Variants in SLC24A2 observed in about 807,000 individuals in gnomAD.
SLC24A2 encodes sodium/potassium/calcium exchanger 2.
SLC24A2 carries 36 observed loss-of-function variants against 62.0 expected under a neutral mutation model. The ratio of observed to expected loss-of-function variants is 0.58; its 90% CI spans 0.44 to 0.77. The LOEUF (loss-of-function observed/expected upper bound fraction) is 0.77. Ranked by LOEUF, SLC24A2 falls within the 30% of genes least tolerant of loss-of-function variation. SLC24A2 has a pLI of 0.00. For synonymous variants in SLC24A2, 358 were observed against 294.0 expected (o/e 1.22, Z -2.23); for missense variants, 846 against 817.9 (o/e 1.03, Z -0.42).
the SLC24A2 span, among the ~76,000 whole-genome samples, chr9:20,106,270 C>A: frequency 6.3e-3 from 960 of 152,218 alleles, 13 homozygotes; most frequent in African/African-American, 0.022. Context: ...ACCAGAGGTA[C>A]AAGGAGGAGC....
the SLC24A2 span, among the ~76,000 whole-genome samples, chr9:20,190,019 C>T: frequency 6.6e-6 from 1 of 152,126 alleles, no homozygotes; most frequent in Non-Finnish European, 1.5e-5. Context: ...CAGCTTAATT[C>T]CCGGCACCCC....
chr9:20,095,470 C>G, the SLC24A2 span, among the ~76,000 whole-genome samples: 2 of 152,258 alleles, frequency 1.3e-5, no homozygotes, highest in African/African-American at 4.8e-5. Context: ...GTGGATGGGC[C>G]TCATCCTATC....
the SLC24A2 span, chr9:19,928,948 C>G: frequency 6.6e-6 from 1 of 152,202 alleles, no homozygotes; most frequent in African/African-American, 2.4e-5. Flanking sequence ...CTGCAAGTCT[C>G]CCTCTGACCA....
the SLC24A2 span, among the ~76,000 whole-genome samples, chr9:20,250,642 C>T: frequency 6.6e-6 from 1 of 150,812 alleles, no homozygotes; most frequent in African/African-American, 2.4e-5. Context: ...AACACAAGAG[C>T]CTATGTCATG....
the SLC24A2 span, among the ~76,000 whole-genome samples, chr9:19,886,371 G>C: frequency 2.0e-5 from 3 of 149,818 alleles, no homozygotes; most frequent in Non-Finnish European, 4.4e-5. Flanking sequence ...TAGGCTTATT[G>C]GCTGTGGGTA....
intron 8 of SLC24A2, among the ~76,000 whole-genome samples, chr9:19,549,161 T>C (rs1834722271): frequency 1.3e-5 from 2 of 152,216 alleles, no homozygotes; most frequent in Non-Finnish European, 2.9e-5. Flanking sequence ...AAAGTAATGA[T>C]AGTAAACATA....
At chr9:19,625,978 C>T (rs898571894) in intron 2 of SLC24A2, among the ~76,000 whole-genome samples, 7 of 152,048 alleles carry the variant, frequency 4.6e-5, no homozygotes, top group Non-Finnish European at 1.0e-4. Context: ...TGAGCCACCG[C>T]GCCCTGCTGG....
At chr9:19,947,568 A>T in the SLC24A2 span, among the ~76,000 whole-genome samples, 1 of 152,048 alleles carries the variant, frequency 6.6e-6, no homozygotes, top group Non-Finnish European at 1.5e-5. Context: ...AGGTGGGCAC[A>T]TCATGAGGTC....
At chr9:20,021,927 G>A in the SLC24A2 span, among the ~76,000 whole-genome samples, 1 of 152,074 alleles carries the variant, frequency 6.6e-6, no homozygotes, top group Non-Finnish European at 1.5e-5. Flanking sequence ...TTAAACTCCT[G>A]CCATGATCCA....
chr9:19,866,625 C>CTTTTTTTTTTTTTTTTTTT, the SLC24A2 span, among the ~76,000 whole-genome samples: 2 of 68,188 alleles, frequency 2.9e-5, no homozygotes, highest in Non-Finnish European at 5.1e-5. Context: ...CACGTTTTCA[C>CTTTTTTTTTTTTTTTTTTT]TTTTTTTTTT....
chr9:19,700,585 A>T (rs1423139515), intron 2 of SLC24A2, among the ~76,000 whole-genome samples: 1 of 152,166 alleles, frequency 6.6e-6, no homozygotes, highest in East Asian at 1.9e-4. Context: ...TTGAGCCTGA[A>T]GTTTTCCACA....
At chr9:19,629,699 T>C (rs1343327673) in intron 2 of SLC24A2, among the ~76,000 whole-genome samples, 1 of 152,196 alleles carries the variant, frequency 6.6e-6, no homozygotes, top group Non-Finnish European at 1.5e-5. Flanking sequence ...CAGTTATCAC[T>C]GCGGTCATGA....
the SLC24A2 span, among the ~76,000 whole-genome samples, chr9:20,155,803 G>A: frequency 4.0e-5 from 6 of 151,658 alleles, no homozygotes; most frequent in Non-Finnish European, 4.4e-5. Flanking sequence ...AATAAAAATT[G>A]TTTCTGAATA....
the SLC24A2 span, among the ~76,000 whole-genome samples, chr9:20,174,134 T>C: frequency 6.6e-6 from 1 of 151,976 alleles, no homozygotes; most frequent in Non-Finnish European, 1.5e-5. Flanking sequence ...TGCTGGATAA[T>C]TGGCAAGCCA....
chr9:20,040,668 T>G, the SLC24A2 span, among the ~76,000 whole-genome samples: 1 of 152,212 alleles, frequency 6.6e-6, no homozygotes, highest in Non-Finnish European at 1.5e-5. Flanking sequence ...GTTCTGAGGT[T>G]CTAAGTGGTT....
At chr9:19,724,703 T>C (rs1000193192) in intron 2 of SLC24A2, among the ~76,000 whole-genome samples, 2 of 152,158 alleles carry the variant, frequency 1.3e-5, no homozygotes, top group African/African-American at 4.8e-5. Context: ...ACCCACATTA[T>C]GAAGTTCAGG....
At chr9:19,935,322 A>T in the SLC24A2 span, among the ~76,000 whole-genome samples, 36,246 of 151,996 alleles carry the variant, frequency 0.24, 5,237 homozygotes, top group South Asian at 0.39. Context: ...CTAAAGTTTA[A>T]GAGCCTCTGG....
intron 10 of SLC24A2, among the ~76,000 whole-genome samples, chr9:19,517,209 T>C (rs1471817908): frequency 6.6e-6 from 1 of 152,142 alleles, no homozygotes; most frequent in Non-Finnish European, 1.5e-5. Context: ...GAAAGGAAGA[T>C]GGCTGGAAGT....
chr9:20,218,100 C>A, the SLC24A2 span, among the ~76,000 whole-genome samples: 1 of 152,136 alleles, frequency 6.6e-6, no homozygotes, highest in Non-Finnish European at 1.5e-5. Context: ...TAAAGACATA[C>A]ACATATGTTG....
Sources: allele counts gnomAD v4.1 joint callset (sites outside exome capture counted in the v4.1 genomes callset), GRCh38; gene constraint gnomAD v4.1.1; transcripts MANE v1.5; gene names NCBI Gene and HGNC (gene_info 2026-07-23, HGNC 2026-07-21).